Variants in GCNT4 observed in about 807,000 individuals in gnomAD.
GCNT4 encodes the protein glucosaminyl (N-acetyl) transferase 4.
A neutral mutation model predicts 31.3 loss-of-function variants in GCNT4; 17 were observed. The observed-to-expected ratio is 0.54, with a 90% CI of 0.37 to 0.81. GCNT4 has a LOEUF of 0.81. Among genes scored for constraint, GCNT4 ranks in the 40% least tolerant of loss-of-function variants. The pLI, the probability that GCNT4 is intolerant of heterozygous loss-of-function variation, is 0.00. For missense variants in GCNT4, 503 were observed against 525.5 expected (o/e 0.96, Z 0.42); for synonymous variants, 158 against 190.6 (o/e 0.83, Z 1.41).
intron 3 of GCNT4, among the ~76,000 whole-genome samples, chr5:75,047,288 A>G (rs1217940305): frequency 2.0e-5 from 3 of 152,248 alleles, no homozygotes; most frequent in Non-Finnish European, 4.4e-5. Context: ...TGCCTTCCCT[A>G]CAACAGAGAT....
At chr5:75,022,492 C>A (rs749435685), downstream of GCNT4, among the ~76,000 whole-genome samples, 2 of 152,284 alleles carry the variant, frequency 1.3e-5, no homozygotes, top group East Asian at 3.9e-4. Context: ...GATATCCTAA[C>A]AGTGGTTCTC....
At position 75,028,558 on chromosome 5, in the gene GCNT4, G is replaced by C; in HGVS notation, c.*118C>G. ...CACTTTCCCTTGTGTATGGAATTTT[G>C]GACACCTTTTAAAATATGGGAGGAC... On this transcript the variant is annotated 3_prime_UTR_variant, in exon 4 of 4. Transcript: ENST00000652361. 1 of 950,362 alleles carries C rather than the reference G, an allele frequency of 1.1e-6. No homozygotes were observed. Among genetic ancestry groups the C allele is most frequent in the Non-Finnish European group, 1.5e-6 (1 of 649,092 alleles). 58.9% of individuals were successfully genotyped at this position (950,362 alleles called of 1,614,324 possible).
chr5:75,036,747 T>C (rs1743209123), intron 3 of GCNT4, among the ~76,000 whole-genome samples: 1 of 152,060 alleles, frequency 6.6e-6, no homozygotes, highest in African/African-American at 2.4e-5. Context: ...ATGAAGAGGT[T>C]AGTCAGTCTT....
At chr5:75,046,270 G>A (rs971123655) in intron 3 of GCNT4, among the ~76,000 whole-genome samples, 1 of 152,214 alleles carries the variant, frequency 6.6e-6, no homozygotes, top group Admixed American at 6.5e-5. Flanking sequence ...CTGGTAGAAG[G>A]TGATGGCTGG....
In GCNT4 at chr5:75,046,606, C is replaced by T. The variant is rs550713501; in HGVS notation, c.-2+1291G>A. ...AGCAGACAGGCTGACTGGACAAGCC[C>T]GGGCACAGCCAAGAAGCAATTCTCC... On this transcript the variant is annotated intron_variant, in intron 3 of 3. Coordinates refer to ENST00000652361, the MANE Select transcript of GCNT4 (RefSeq NM_001366737.1). Among the ~76,000 whole-genome samples, 19 of 152,210 alleles carry T rather than the reference C, an allele frequency of 1.2e-4. No individual in the cohort carries two copies. In the South Asian group the frequency reaches 2.7e-3, roughly 22 times the overall value.
At chr5:75,020,343 G>C in the GCNT4 span, among the ~76,000 whole-genome samples, 1 of 152,202 alleles carries the variant, frequency 6.6e-6, no homozygotes, top group Non-Finnish European at 1.5e-5. Context: ...GGGGACCCCT[G>C]TAAGGGAGAG....
chr5:75,050,743 C>T (rs1743550779), intron 2 of GCNT4, among the ~76,000 whole-genome samples: 1 of 141,412 alleles, frequency 7.1e-6, no homozygotes, highest in Non-Finnish European at 1.6e-5. Context: ...CTCATCTGCT[C>T]TCACACCCTA....
chr5:75,053,270 T>C (rs1204346079), upstream of GCNT4, among the ~76,000 whole-genome samples: 1 of 151,782 alleles, frequency 6.6e-6, no homozygotes, highest in African/African-American at 2.4e-5. Context: ...CGCGCTCTGG[T>C]GGCCCCGGGG....
At position 75,029,912 on chromosome 5, in the gene GCNT4, G is replaced by T; in HGVS notation, c.126C>A (p.Asp42Glu). Residue 42 changes from aspartate (D) to glutamate (E), a missense_variant, in exon 4 of 4, where the codon GAC (aspartate) becomes GAA (glutamate). Asp to Glu is a conservative substitution (Grantham distance 45). Transcript: ENST00000652361. ...TTAGGGAGTACTCAACCAAGTAAAT[G>T]TCTTTTTGCGGAAAGAGTCGTCTCA... The part of the protein sequence containing the change: ...LNVRRLFPQK[D>E]IYLVEYSLST... 1 of 1,614,144 alleles carries T rather than the reference G, an allele frequency of 6.2e-7. No individual in the cohort carries two copies. The highest frequency in any genetic ancestry group is 8.5e-7 in the Non-Finnish European group (1 of 1,180,010).
At chr5:75,021,761 C>T (rs77636738), downstream of GCNT4, among the ~76,000 whole-genome samples, 4,559 of 152,172 alleles carry the variant, frequency 0.03, 196 homozygotes, top group African/African-American at 0.11. Flanking sequence ...TTTGGTTTTG[C>T]TTCCACAAAT....
At chr5:75,032,876 T>TGG (rs1561374220) in intron 3 of GCNT4, among the ~76,000 whole-genome samples, 55 of 22,072 alleles carry the variant, frequency 2.5e-3, no homozygotes, top group East Asian at 7.6e-3. Flanking sequence ...AATAGGGGTG[T>TGG]GTGTGTGTGT....
upstream of GCNT4, chr5:75,052,810 G>T (rs1743609121): frequency 6.6e-6 from 1 of 152,364 alleles, no homozygotes; most frequent in African/African-American, 2.4e-5. Context: ...GAAGCGGCAA[G>T]CGGCTCCGAA....
At chr5:75,032,926 T>C (rs1204433398) in intron 3 of GCNT4, among the ~76,000 whole-genome samples, 1 of 149,282 alleles carries the variant, frequency 6.7e-6, no homozygotes, top group Non-Finnish European at 1.5e-5. Flanking sequence ...TGTGTGTGAT[T>C]AATTCATGGT....
chr5:75,033,681 T>TTATTTATTTATTTA (rs1561374536), intron 3 of GCNT4, among the ~76,000 whole-genome samples: 11 of 131,568 alleles, frequency 8.4e-5, no homozygotes, highest in African/African-American at 2.5e-4. Flanking sequence ...TTATTTTTTT[T>TTATTTATTTATTTA]TTTTTACTTT....
intron 3 of GCNT4, among the ~76,000 whole-genome samples, chr5:75,044,107 C>T (rs2149972495): frequency 6.6e-6 from 1 of 152,234 alleles, no homozygotes; most frequent in Non-Finnish European, 1.5e-5. Flanking sequence ...AGGCAGGGTA[C>T]AGGTCACATA....
the GCNT4 span, among the ~76,000 whole-genome samples, chr5:75,019,367 C>T: frequency 6.6e-6 from 1 of 152,242 alleles, no homozygotes; most frequent in Non-Finnish European, 1.5e-5. Flanking sequence ...AGTCATCTAG[C>T]CTGTGGTGCA....
Position 75,026,316 on chromosome 5 carries a change from T to C in GCNT4, c.*2360A>G, listed in dbSNP as rs1220999573. On this transcript the variant is annotated 3_prime_UTR_variant, in exon 4 of 4. Coordinates refer to ENST00000652361, the MANE Select transcript of GCNT4 (RefSeq NM_001366737.1). ...TAAAAACCAAGATTTCAACAGGATT[T>C]CGTGTATTTCATCCTAGATGGTGGG... 5 of 152,184 alleles carry C rather than the reference T, an allele frequency of 3.3e-5. No individual in the cohort carries two copies. The highest frequency in any genetic ancestry group is 1.2e-4 in the African/African-American group (5 of 41,438). The allele number at this position is 152,184 out of a possible 1,614,324, so 9.4% of individuals were successfully genotyped here.
chr5:75,025,312 A>C (rs1274064183), downstream of GCNT4: 1 of 152,236 alleles, frequency 6.6e-6, no homozygotes, highest in Non-Finnish European at 1.5e-5. Context: ...GAATCAGCAA[A>C]ACCAGAGAAA....
intron 3 of GCNT4, among the ~76,000 whole-genome samples, chr5:75,043,796 T>C (rs145690983): frequency 1.2e-3 from 176 of 152,374 alleles, no homozygotes; most frequent in African/African-American, 3.9e-3. Flanking sequence ...AACCAACATA[T>C]ACATACGCAT....
Sources: allele counts gnomAD v4.1 joint callset (sites outside exome capture counted in the v4.1 genomes callset), GRCh38; gene constraint gnomAD v4.1.1; transcripts MANE v1.5; gene names NCBI Gene and HGNC (gene_info 2026-07-23, HGNC 2026-07-21).